The following FGF13 variants were observed in gnomAD, a reference collection of about 807,000 sequenced individuals.
FGF13 encodes fibroblast growth factor homologous factor 2.
A neutral mutation model predicts 19.5 loss-of-function variants in FGF13; 2 were observed. The ratio of observed to expected loss-of-function variants is 0.10; its 90% CI spans 0.04 to 0.32. FGF13 has a LOEUF of 0.32. FGF13 is among the 10% of genes least tolerant of loss of function. The probability of loss-of-function intolerance (pLI) is 1.00; values close to 1 mark genes in which losing one functional copy is unlikely to be tolerated. For synonymous variants in FGF13, 72 were observed against 76.9 expected, an observed-to-expected ratio of 0.94 and a Z score of 0.33; for missense variants, 113 against 192.7, an observed-to-expected ratio of 0.59 and a Z score of 2.45.
chrX:138,809,911 G>C (rs755747802), intron 3 of FGF13, among the ~76,000 whole-genome samples: 7 of 111,350 alleles, frequency 6.3e-5, no homozygotes, highest in African/African-American at 2.3e-4. Context: ...TCTTCAAGGA[G>C]AACTACAAAC....
intron 3 of FGF13, among the ~76,000 whole-genome samples, chrX:138,801,337 C>T (rs1449240624): frequency 2.7e-5 from 3 of 112,111 alleles, no homozygotes; most frequent in African/African-American, 9.7e-5. Flanking sequence ...TACAGTTAGG[C>T]CCCTCTTCTG....
At chrX:138,982,720 C>A (rs931667795) in intron 1 of FGF13, among the ~76,000 whole-genome samples, 1 of 111,946 alleles carries the variant, frequency 8.9e-6, no homozygotes, top group Non-Finnish European at 1.9e-5. Flanking sequence ...GGGAAAAGTA[C>A]GCCCAAGGAA....
At position 139,085,290 on chromosome X, in the gene FGF13, C is replaced by T. The variant is rs1013929340; in HGVS notation, c.-113+118126G>A. ...GACCAAAGTAAAATTTTAGCTTTAC[C>T]ACTTACTGCGCTTTGGGCAATTTAC... On this transcript the variant is annotated intron_variant, in intron 1 of 2. Transcript: ENST00000421460. Among the ~76,000 whole-genome samples the T allele has an allele frequency of 2.7e-5, 3 of 111,791 alleles. No individual in the cohort carries two copies. In the Admixed American group the frequency reaches 2.9e-4, roughly 11 times the overall value.
chrX:138,887,615 A>G (rs1446611943), intron 1 of FGF13, among the ~76,000 whole-genome samples: 1 of 111,814 alleles, frequency 8.9e-6, no homozygotes, highest in Non-Finnish European at 1.9e-5. Context: ...GGGAGAGACA[A>G]TATATAAATG....
chrX:138,770,180 GTACT>G, intron 3 of FGF13, among the ~76,000 whole-genome samples: 1 of 111,546 alleles, frequency 9.0e-6, no homozygotes, highest in East Asian at 2.9e-4. Context: ...CATATATTGA[GTACT>G]TACTATTAGC....
chrX:139,059,135 TCTTTAA>T (rs924912143), intron 1 of FGF13, among the ~76,000 whole-genome samples: 1 of 111,234 alleles, frequency 9.0e-6, no homozygotes, highest in African/African-American at 3.3e-5. Context: ...GACGTTCTAA[TCTTTAA>T]CAAAAACCAA....
chrX:138,829,998 C>T lies in FGF13; in HGVS notation c.217+27514G>A, dbSNP rs183450848. On this transcript the variant is annotated intron_variant, in intron 3 of 6. Transcript: ENST00000436198. ...CCTCCCAAAGTGCTGGGATTACAGG[C>T]GTGAGCCATCGCGCCTGGCTTAAAC... 1.2e-3 allele frequency among the ~76,000 whole-genome samples: 131 copies of T among 112,646 alleles called. 2 individuals carry two copies. The East Asian group carries it at 0.035, about 30-fold the overall frequency.
chrX:139,194,091 C>A (rs1325700011), intron 1 of FGF13, among the ~76,000 whole-genome samples: 1 of 111,892 alleles, frequency 8.9e-6, no homozygotes, highest in Non-Finnish European at 1.9e-5. Flanking sequence ...GCACAAATCA[C>A]CATCTCTCCT....
intron 3 of FGF13, among the ~76,000 whole-genome samples, chrX:138,838,470 A>T (rs932085076): frequency 2.7e-5 from 3 of 111,663 alleles, no homozygotes; most frequent in African/African-American, 9.8e-5. Flanking sequence ...GGTTGCAAAG[A>T]TCCATGGGAG....
rs1556025217 is a variant in FGF13, at chrX:138,625,516, A to ATATATATACATATATATATATAATATAAT, written c.*7333_*7334insATTATATTATATATATATATGTATATATA. 1 of 84,647 alleles carries ATATATATACATATATATATATAATATAAT rather than the reference A, an allele frequency of 1.2e-5. No homozygotes were observed. Among genetic ancestry groups the ATATATATACATATATATATATAATATAAT allele is most frequent in the Non-Finnish European group, 2.1e-5 (1 of 48,707 alleles). 7.0% of individuals were successfully genotyped at this position (84,647 alleles called of 1,213,427 possible). On this transcript the variant is annotated 3_prime_UTR_variant, in exon 5 of 5. Coordinates refer to ENST00000315930, the MANE Select transcript of FGF13 (RefSeq NM_004114.5). ...ATATATACATATATATATATAATAT[A>ATATATATACATATATATATATAATATAAT]ATATATATATATATCTTAGCCATAT...
At chrX:139,025,329 G>C (rs2072952587) in intron 1 of FGF13, among the ~76,000 whole-genome samples, 3 of 111,736 alleles carry the variant, frequency 2.7e-5, no homozygotes, top group Non-Finnish European at 5.7e-5. Flanking sequence ...CAATGACCCT[G>C]TTCAGTCTTT....
intron 1 of FGF13, among the ~76,000 whole-genome samples, chrX:139,193,674 T>C (rs1485061027): frequency 9.0e-6 from 1 of 111,104 alleles, no homozygotes; most frequent in East Asian, 2.8e-4. Flanking sequence ...TCACGGTAGA[T>C]CAAGGAATGA....
In FGF13 at chrX:139,137,991, C is replaced by T. The variant is rs765376919; in HGVS notation, c.-113+65425G>A. On this transcript the variant is annotated intron_variant, in intron 1 of 2. Coordinates refer to the FGF13 transcript ENST00000421460. ...GTTAAAAAGTGGAATTTCCGTTGTT[C>T]CCATATCCTATGATTGACTAGGGAC... is the stretch of plus-strand genomic sequence containing the variant. 3.6e-5 allele frequency among the ~76,000 whole-genome samples: 4 copies of T among 112,119 alleles called. No homozygotes were observed. The South Asian group carries it at 1.5e-3, about 42-fold the overall frequency.
intron 1 of FGF13, among the ~76,000 whole-genome samples, chrX:139,019,696 A>G (rs1279486329): frequency 9.1e-6 from 1 of 110,197 alleles, no homozygotes; most frequent in Non-Finnish European, 1.9e-5. Flanking sequence ...AATTCCAGGC[A>G]AAAACAATGA....
At chrX:138,649,161 C>A (rs1191092066) in intron 3 of FGF13, among the ~76,000 whole-genome samples, 2 of 111,647 alleles carry the variant, frequency 1.8e-5, no homozygotes, top group Non-Finnish European at 3.8e-5. Context: ...ATTGTTATCA[C>A]CAAGTCATTA....
intron 3 of FGF13, among the ~76,000 whole-genome samples, chrX:138,779,879 G>A (rs2090624001): frequency 9.4e-6 from 1 of 106,018 alleles, no homozygotes; most frequent in Non-Finnish European, 1.9e-5. Context: ...CACCAAAGTT[G>A]AAATGAAGGA....
chrX:138,885,502 A>G, intron 1 of FGF13, among the ~76,000 whole-genome samples: 1 of 111,237 alleles, frequency 9.0e-6, no homozygotes. Context: ...TCCATGGGTC[A>G]GCCAACTCCT....
intron 3 of FGF13, among the ~76,000 whole-genome samples, chrX:138,772,211 A>G (rs1209631536): frequency 9.2e-6 from 1 of 108,806 alleles, no homozygotes; most frequent in Non-Finnish European, 1.9e-5. Context: ...AAACGTGATA[A>G]TGCATATTAG....
chrX:139,013,704 T>C (rs967046286), intron 1 of FGF13, among the ~76,000 whole-genome samples: 7 of 106,856 alleles, frequency 6.6e-5, no homozygotes, highest in Admixed American at 5.1e-4. Flanking sequence ...GGTATACAAA[T>C]GACATATTGG....
Sources: allele counts gnomAD v4.1 joint callset (sites outside exome capture counted in the v4.1 genomes callset), GRCh38; gene constraint gnomAD v4.1.1; transcripts MANE v1.5; gene names NCBI Gene and HGNC (gene_info 2026-07-23, HGNC 2026-07-21).